The following PCDHGB7 variants were observed in gnomAD, a reference collection of about 807,000 sequenced individuals.
PCDHGB7 encodes protocadherin gamma-B7.
A neutral mutation model predicts 61.4 loss-of-function variants in PCDHGB7; 37 were observed. The observed-to-expected ratio is 0.60, with a 90% CI of 0.46 to 0.79. The LOEUF (loss-of-function observed/expected upper bound fraction) is 0.79. Ranked by LOEUF, PCDHGB7 falls within the 30% of genes least tolerant of loss-of-function variation. The pLI is 0.00. For missense variants in PCDHGB7, 1,166 were observed against 1,202.5 expected, an observed-to-expected ratio of 0.97 and a Z score of 0.45; for synonymous variants, 464 against 503.5, an observed-to-expected ratio of 0.92 and a Z score of 1.05.
chr5:141,418,489 G>C lies in PCDHGB7; in HGVS notation c.630G>C (p.Leu210Phe), dbSNP rs774653264. ...LDRETQSAHHLVLTALDGGDP... is the reference protein window; with the variant it reads ...LDRETQSAHHFVLTALDGGDP... ...GAGAAACGCAGAGCGCTCACCACTT[G>C]GTACTGACCGCCTTAGATGGTGGGG... The change falls in exon 1 of 4, where the codon TTG becomes TTC. Residue 210 changes from leucine (L) to phenylalanine (F), a missense_variant. Leu to Phe is a conservative substitution (Grantham distance 22). Transcript: ENST00000398594. 26 of 1,613,874 alleles carry C rather than the reference G, an allele frequency of 1.6e-5. No individual in the cohort carries two copies. Among genetic ancestry groups the C allele is most frequent in the Admixed American group, 1.5e-4 (9 of 60,006 alleles).
At chr5:141,421,601 T>C (rs1309928984) in intron 1 of PCDHGB7, 19 of 1,613,652 alleles carry the variant, frequency 1.2e-5, no homozygotes, top group Non-Finnish European at 1.6e-5. Context: ...GTGGAAATAA[T>C]AGATATTAAT....
In PCDHGB7 at chr5:141,420,018, G is replaced by A. The variant is rs2096458708; in HGVS notation, c.2159G>A (p.Ser720Asn). 2 of 1,613,948 alleles carry A rather than the reference G, an allele frequency of 1.2e-6. No individual in the cohort carries two copies. The highest frequency in any genetic ancestry group is 1.3e-5 in the African/African-American group (1 of 74,940). ...AIALRLRQSF[S>N]PTAGDCFESV... The stretch of plus-strand genomic sequence containing the variant: ...GCTCTACGCCTGCGACAGTCTTTCA[G>A]CCCTACTGCAGGAGACTGCTTTGAG... Residue 720 changes from serine to asparagine, a missense_variant, in exon 1 of 4, where the codon AGC becomes AAC. Ser to Asn is a conservative substitution (Grantham distance 46). Transcript: ENST00000398594.
intron 1 of PCDHGB7, among the ~76,000 whole-genome samples, chr5:141,492,808 A>C (rs1261752522): frequency 6.6e-6 from 1 of 152,252 alleles, no homozygotes; most frequent in African/African-American, 2.4e-5. Flanking sequence ...CTGGGACTCC[A>C]GTGGCACCAG....
chr5:141,468,899 T>C (rs1051519139), intron 1 of PCDHGB7, among the ~76,000 whole-genome samples: 2 of 151,550 alleles, frequency 1.3e-5, no homozygotes, highest in Non-Finnish European at 2.9e-5. Flanking sequence ...GGTACTAATA[T>C]GATCCAGACT....
At chr5:141,430,584 G>A (rs1451886397) in intron 1 of PCDHGB7, 3 of 495,136 alleles carry the variant, frequency 6.1e-6, no homozygotes, top group African/African-American at 5.9e-5. Flanking sequence ...GATCCTGCTC[G>A]CCTTGCACGC....
In PCDHGB7 at chr5:141,422,440, T is replaced by G. The variant is rs1028472076; in HGVS notation, c.2415+2166T>G. 11 of 1,610,116 alleles carry G rather than the reference T, an allele frequency of 6.8e-6. No homozygotes were observed. The highest frequency in any genetic ancestry group is 2.7e-5 in the African/African-American group (2 of 74,560). On this transcript the variant is annotated intron_variant, in intron 1 of 3. Transcript: ENST00000398594. ...AAAGACTTATGGAAATTATTACAAATTGATAACAAGCAGAGTGCTGGACAG... is the reference window on the plus strand; with the variant it reads ...AAAGACTTATGGAAATTATTACAAAGTGATAACAAGCAGAGTGCTGGACAG...
At chr5:141,505,935 C>T (rs2099849264) in intron 3 of PCDHGB7, among the ~76,000 whole-genome samples, 1 of 152,146 alleles carries the variant, frequency 6.6e-6, no homozygotes, top group African/African-American at 2.4e-5. Flanking sequence ...CGCTTGGAAG[C>T]CCTCAAGCAA....
chr5:141,490,051 G>T lies in PCDHGB7; in HGVS notation c.2416-4756G>T, dbSNP rs779280988. On this transcript the variant is annotated intron_variant, in intron 1 of 3. Coordinates refer to ENST00000398594, the MANE Select transcript of PCDHGB7 (RefSeq NM_018927.4). The surrounding 1 kb of genome is among the most constrained non-coding windows in gnomAD (Gnocchi z 5.4). ...CCGCCTCAATGCCACTGATCCAGACGAGGGCACCAACGGCCAACTAGACTA... is the reference window on the plus strand; with the variant it reads ...CCGCCTCAATGCCACTGATCCAGACTAGGGCACCAACGGCCAACTAGACTA... 3 of 1,614,214 alleles carry T rather than the reference G, an allele frequency of 1.9e-6. No homozygotes were observed. The Middle Eastern group carries it at 4.9e-4, about 266-fold the overall frequency.
intron 1 of PCDHGB7, chr5:141,427,757 C>A: frequency 7.5e-7 from 1 of 1,340,702 alleles, no homozygotes; most frequent in Non-Finnish European, 1.1e-6. Flanking sequence ...CCATCGTTAC[C>A]ACTGACTTGG....
intron 1 of PCDHGB7, among the ~76,000 whole-genome samples, chr5:141,436,328 A>G (rs146180035): frequency 6.6e-6 from 1 of 152,326 alleles, no homozygotes; most frequent in East Asian, 1.9e-4. Flanking sequence ...CTGTTAGACC[A>G]TATCTCAAAT....
intron 1 of PCDHGB7, chr5:141,428,860 CT>C (rs34152666): frequency 0.3 from 42,955 of 145,250 alleles, 7,185 homozygotes; most frequent in African/African-American, 0.5. Flanking sequence ...TTACGGGAGA[CT>C]TTTTTTTTTT....
At chr5:141,450,549 C>T (rs1414500813) in intron 1 of PCDHGB7, among the ~76,000 whole-genome samples, 2 of 151,756 alleles carry the variant, frequency 1.3e-5, no homozygotes, top group Non-Finnish European at 2.9e-5. Context: ...TGCAGTGGCG[C>T]AGTCTCGGCT....
intron 1 of PCDHGB7, among the ~76,000 whole-genome samples, chr5:141,438,702 C>A (rs1217378337): frequency 5.7e-5 from 8 of 140,876 alleles, no homozygotes; most frequent in Non-Finnish European, 4.6e-5. Flanking sequence ...GCTCTGTCAC[C>A]CAGGCTGGAG....
At chr5:141,492,070 G>T (rs1408035481) in intron 1 of PCDHGB7, 1 of 477,946 alleles carries the variant, frequency 2.1e-6, no homozygotes. Context: ...CCTCCTAGGC[G>T]CCGGCTCCGG....
In PCDHGB7 at chr5:141,476,229, C is replaced by T; in HGVS notation, c.2416-18578C>T. ...TCCACGGTCATTCACTATGAGATCC[C>T]GGAGGAAAGAGAGAAGGGTTTCGCT... On this transcript the variant is annotated intron_variant, in intron 1 of 3. Coordinates refer to ENST00000398594, the MANE Select transcript of PCDHGB7 (RefSeq NM_018927.4). The surrounding 1 kb of genome is among the most constrained non-coding windows in gnomAD (Gnocchi z 7.6). 1 of 1,613,872 alleles carries T rather than the reference C, an allele frequency of 6.2e-7. No individual in the cohort carries two copies. The highest frequency in any genetic ancestry group is 2.2e-5 in the East Asian group (1 of 44,822).
intron 1 of PCDHGB7, chr5:141,430,853 C>A: frequency 6.3e-7 from 1 of 1,587,214 alleles, no homozygotes; most frequent in Non-Finnish European, 8.6e-7. Flanking sequence ...CACCCAGATA[C>A]GCTATTCAGT....
At chr5:141,506,188 C>T (rs925159785) in intron 3 of PCDHGB7, among the ~76,000 whole-genome samples, 2 of 152,058 alleles carry the variant, frequency 1.3e-5, no homozygotes, top group African/African-American at 4.8e-5. Flanking sequence ...TGGTGGCTCA[C>T]GCCTGTAATC....
chr5:141,436,859 A>T (rs550974791), intron 1 of PCDHGB7, among the ~76,000 whole-genome samples: 1 of 152,250 alleles, frequency 6.6e-6, no homozygotes, highest in Non-Finnish European at 1.5e-5. Flanking sequence ...TTGAGAAGCC[A>T]CAGTTTTAGG....
chr5:141,461,480 G>A (rs1478939044), intron 1 of PCDHGB7, among the ~76,000 whole-genome samples: 1 of 151,970 alleles, frequency 6.6e-6, no homozygotes, highest in Non-Finnish European at 1.5e-5. Context: ...ACTTTTTAAT[G>A]GGATTGTGTT....
Sources: gnomAD v4.1 joint callset for allele counts (sites outside exome capture counted in the v4.1 genomes callset) on GRCh38, gnomAD v4.1.1 for gene constraint, Gnocchi (gnomAD v3.1) non-coding constraint, MANE v1.5 for transcripts, NCBI Gene and HGNC (gene_info 2026-07-23, HGNC 2026-07-21) for gene names.